Variants in CR1 observed in about 807,000 individuals in gnomAD.
The protein encoded by CR1 is complement receptor type 1.
CR1 carries 116 observed loss-of-function variants against 187.3 expected under a neutral mutation model. The observed-to-expected ratio is 0.62, with a 90% CI of 0.53 to 0.72. CR1 has a LOEUF of 0.72. Among genes scored for constraint, CR1 ranks in the 30% least tolerant of loss-of-function variants. The pLI, the probability that CR1 is intolerant of heterozygous loss-of-function variation, is 0.00. For synonymous variants in CR1, 576 were observed against 747.1 expected (o/e 0.77, Z 3.73); for missense variants, 1,731 against 2,110.7 (o/e 0.82, Z 3.52).
rs7521831 is a variant in CR1, at chr1:207,524,132, G to A, written c.886+123G>A. The A allele has an allele frequency of 6.1e-3, 9,614 of 1,579,372 alleles. 568 individuals carry two copies. In the African/African-American group the frequency reaches 0.11, roughly 18 times the overall value. ...GCAGGGTCGAGGAGCAAATTTTCTA[G>A]GTAGTGAACATGAAATTCAGAAGGT... On this transcript the variant is annotated intron_variant, in intron 5 of 46. Transcript: ENST00000367049.
intron 1 of CR1, among the ~76,000 whole-genome samples, chr1:207,500,286 T>C (rs7533408): frequency 0.69 from 105,008 of 152,048 alleles, 37,618 homozygotes; most frequent in East Asian, 0.96. Flanking sequence ...TTTATGTTCG[T>C]GTACATATAT....
chr1:207,595,359 A>G (rs928788980), intron 35 of CR1, among the ~76,000 whole-genome samples: 1 of 152,152 alleles, frequency 6.6e-6, no homozygotes, highest in Non-Finnish European at 1.5e-5. Flanking sequence ...CAGGCTATAA[A>G]GAAAAATACT....
chr1:207,601,055 T>A (rs929783839), intron 35 of CR1, among the ~76,000 whole-genome samples: 4 of 151,904 alleles, frequency 2.6e-5, no homozygotes, highest in African/African-American at 9.7e-5. Flanking sequence ...AAAACATATA[T>A]AAAAGGCTGC....
intron 31 of CR1, among the ~76,000 whole-genome samples, chr1:207,581,425 GTA>G (rs528472093): frequency 5.3e-5 from 8 of 149,838 alleles, no homozygotes; most frequent in Non-Finnish European, 1.0e-4. Context: ...TGGAACATAT[GTA>G]TATATACATA....
In CR1 at chr1:207,614,764, A is replaced by C. The variant is rs1349291110; in HGVS notation, c.6661+275A>C. On this transcript the variant is annotated intron_variant, in intron 40 of 46. Coordinates refer to ENST00000367049, the MANE Select transcript of CR1 (RefSeq NM_000651.6). The stretch of plus-strand genomic sequence containing the variant: ...ATGACATAAAGGTGCAGCACGTTTT[A>C]GTCAGTCATTTATTTTTAGTTTTCT... Among the ~76,000 whole-genome samples, 165 of 151,424 alleles carry C rather than the reference A, an allele frequency of 1.1e-3. 1 individual carries two copies. Among genetic ancestry groups the C allele is most frequent in the Non-Finnish European group, 3.8e-4 (26 of 67,594 alleles).
chr1:207,516,038 GA>G (rs376514168), intron 4 of CR1, among the ~76,000 whole-genome samples: 224 of 152,152 alleles, frequency 1.5e-3, no homozygotes, highest in African/African-American at 4.7e-3. Flanking sequence ...AGCAGAGTGA[GA>G]CCCTGTCTCT....
intron 45 of CR1, among the ~76,000 whole-genome samples, chr1:207,626,808 C>T (rs1302302518): frequency 1.3e-5 from 2 of 152,100 alleles, no homozygotes; most frequent in Non-Finnish European, 2.9e-5. Flanking sequence ...GAGGCTGAGG[C>T]GGGTGGGTCA....
chr1:207,602,517 A>T (rs776518473), intron 35 of CR1, among the ~76,000 whole-genome samples: 1 of 152,158 alleles, frequency 6.6e-6, no homozygotes, highest in Non-Finnish European at 1.5e-5. Context: ...CTTAAATGTC[A>T]TATAAATATA....
At chr1:207,577,532 G>A (rs1660790617) in intron 28 of CR1, among the ~76,000 whole-genome samples, 1 of 152,172 alleles carries the variant, frequency 6.6e-6, no homozygotes, top group Non-Finnish European at 1.5e-5. Context: ...CACTTTGAAA[G>A]GCCGAGGCAG....
At chr1:207,513,294 G>T (rs1369864852) in intron 4 of CR1, among the ~76,000 whole-genome samples, 3 of 152,180 alleles carry the variant, frequency 2.0e-5, no homozygotes, top group African/African-American at 4.8e-5. Context: ...TGCTGCCACT[G>T]GGACTCTGCC....
chr1:207,573,918 GC>G (rs1660654408), intron 27 of CR1, among the ~76,000 whole-genome samples: 1 of 152,144 alleles, frequency 6.6e-6, no homozygotes, highest in East Asian at 1.9e-4. Context: ...TATCACTTGA[GC>G]CCAGGAGCTC....
intron 45 of CR1, among the ~76,000 whole-genome samples, chr1:207,625,389 C>A (rs549410958): frequency 6.6e-6 from 1 of 152,336 alleles, no homozygotes; most frequent in East Asian, 1.9e-4. Flanking sequence ...TCCCAAACAT[C>A]TATGTAACCC....
At chr1:207,553,057 T>C in intron 19 of CR1, 1 of 333,310 alleles carries the variant, frequency 3.0e-6, no homozygotes, top group Non-Finnish European at 5.2e-6. Context: ...GCAGTGCACA[T>C]ATAAAGAGTA....
At chr1:207,502,878 C>T (rs1572985926) in intron 1 of CR1, among the ~76,000 whole-genome samples, 1 of 152,284 alleles carries the variant, frequency 6.6e-6, no homozygotes, top group South Asian at 2.1e-4. Context: ...TCATGAGATG[C>T]AGATGAGAAG....
chr1:207,597,663 T>G (rs1426979430), intron 35 of CR1, among the ~76,000 whole-genome samples: 1 of 152,182 alleles, frequency 6.6e-6, no homozygotes, highest in Non-Finnish European at 1.5e-5. Context: ...TGTAAAATGG[T>G]GTAGCACTGT....
chr1:207,600,161 A>G (rs768251035), intron 35 of CR1, among the ~76,000 whole-genome samples: 1 of 152,220 alleles, frequency 6.6e-6, no homozygotes, highest in African/African-American at 2.4e-5. Context: ...GTGCTATAGA[A>G]CAAATTTGGC....
At position 207,567,819 on chromosome 1, in the gene CR1, T is replaced by C; in HGVS notation, c.3953-5T>C. On this transcript the variant is annotated splice_region_variant and splice_polypyrimidine_tract_variant and intron_variant, in intron 24 of 46. Coordinates refer to ENST00000367049, the MANE Select transcript of CR1 (RefSeq NM_000651.6). Reference sequence around the variant, plus strand: ...TGAAACTTAGAGCTTTTGTATGTTTTCTAGAAATCTTTTGTCCAAGTCCTC... The same window carrying C: ...TGAAACTTAGAGCTTTTGTATGTTTCCTAGAAATCTTTTGTCCAAGTCCTC... 3 of 1,611,094 alleles carry C rather than the reference T, an allele frequency of 1.9e-6. No individual in the cohort carries two copies. The highest frequency in any genetic ancestry group is 1.7e-4 in the Middle Eastern group (1 of 6,052).
intron 27 of CR1, among the ~76,000 whole-genome samples, chr1:207,572,981 C>T (rs1458085787): frequency 6.6e-6 from 1 of 152,130 alleles, no homozygotes; most frequent in African/African-American, 2.4e-5. Flanking sequence ...TGGATTAGGG[C>T]CTACTTTCAT....
intron 39 of CR1, among the ~76,000 whole-genome samples, chr1:207,613,537 T>A (rs1369280007): frequency 6.6e-6 from 1 of 152,112 alleles, no homozygotes; most frequent in African/African-American, 2.4e-5. Flanking sequence ...TGTCTTCAGC[T>A]TGAAGGTCGG....
Sources: gnomAD v4.1 joint callset for allele counts (sites outside exome capture counted in the v4.1 genomes callset) on GRCh38, gnomAD v4.1.1 for gene constraint, MANE v1.5 for transcripts, NCBI Gene and HGNC (gene_info 2026-07-23, HGNC 2026-07-21) for gene names.